GNB1L: variants seen among roughly 807,000 people sequenced by gnomAD.
GNB1L encodes the protein G protein subunit beta 1 like, also known as guanine nucleotide-binding protein subunit beta-like protein 1.
GNB1L carries 20 observed loss-of-function variants against 29.1 expected under a neutral mutation model. The ratio of observed to expected loss-of-function variants is 0.69; its 90% CI spans 0.48 to 1.00. GNB1L has a LOEUF of 1.00. GNB1L is among the 50% of genes least tolerant of loss of function. The probability of loss-of-function intolerance (pLI) is 0.00; values close to 1 mark genes in which losing one functional copy is unlikely to be tolerated. For synonymous variants in GNB1L, 193 were observed against 206.5 expected (o/e 0.93, Z 0.56); for missense variants, 421 against 464.9 (o/e 0.91, Z 0.87).
chr22:19,823,517 C>A (rs1487678007), intron 2 of GNB1L, among the ~76,000 whole-genome samples: 1 of 152,170 alleles, frequency 6.6e-6, no homozygotes, highest in Non-Finnish European at 1.5e-5. Flanking sequence ...AAGGCAGGGC[C>A]CAGCTCCAAG....
intron 5 of GNB1L, among the ~76,000 whole-genome samples, chr22:19,810,019 T>C (rs1238995627): frequency 6.6e-6 from 1 of 152,242 alleles, no homozygotes; most frequent in Non-Finnish European, 1.5e-5. Context: ...TTTGGCCTCC[T>C]GAGTAGCTGG....
At position 19,800,001 on chromosome 22, in the gene GNB1L, G is replaced by A. The variant is rs193164027; in HGVS notation, c.732+2000C>T. Among the ~76,000 whole-genome samples, 570 of 152,356 alleles carry A rather than the reference G, an allele frequency of 3.7e-3. 1 individual carries two copies. The highest frequency in any genetic ancestry group is 0.013 in the African/African-American group (547 of 41,578). ...CCTGGCCCATGCAACACAGGGCTCA[G>A]CAGGGGAAACGCCTCTCCTTCGATG... On this transcript the variant is annotated intron_variant, in intron 7 of 7. Transcript: ENST00000329517.
At chr22:19,799,428 C>T (rs1937342705) in intron 7 of GNB1L, among the ~76,000 whole-genome samples, 1 of 152,268 alleles carries the variant, frequency 6.6e-6, no homozygotes, top group African/African-American at 2.4e-5. Flanking sequence ...CTCGTCACCA[C>T]CGCGGCCCCT....
At position 19,783,226 on chromosome 22, in the gene GNB1L, G is replaced by C. The variant is rs1026713442; in HGVS notation, c.*5483C>G. On this transcript the variant is annotated 3_prime_UTR_variant, in exon 8 of 8. Transcript: ENST00000329517. ...CCCAGAATGGCTGTTATGCTGCTCT[G>C]TTTGAGGTGGTTTATTAATGTAGCA... The C allele has an allele frequency of 3.4e-6, 2 of 589,628 alleles. No individual in the cohort carries two copies. Among genetic ancestry groups the C allele is most frequent in the African/African-American group, 3.7e-5 (2 of 53,886 alleles). The allele number at this position is 589,628 out of a possible 1,614,324, so 36.5% of individuals were successfully genotyped here. A position where few individuals can be genotyped will look rare whatever the true frequency, so the allele number is the denominator to read the frequency against.
chr22:19,838,266 T>C (rs1176209035), intron 2 of GNB1L, among the ~76,000 whole-genome samples: 7 of 152,096 alleles, frequency 4.6e-5, no homozygotes, highest in Admixed American at 6.5e-5. Flanking sequence ...ATCATAGCCA[T>C]TAGGGAAATG....
intron 2 of GNB1L, among the ~76,000 whole-genome samples, chr22:19,838,349 A>C (rs1331414635): frequency 6.6e-6 from 1 of 152,210 alleles, no homozygotes; most frequent in Non-Finnish European, 1.5e-5. Flanking sequence ...AACTGTCAAA[A>C]CCAACAAAAC....
chr22:19,854,426 AC>A lies in GNB1L; in HGVS notation c.-21+16del, dbSNP rs1322776832. On this transcript the variant is annotated intron_variant, in intron 2 of 7. Transcript: ENST00000329517. ...ATACGAGCTCACAAGGCCCACGGCA[AC>A]AAGAAGCCCACCCACCTGAGGCTAC... The A allele has an allele frequency of 2.6e-5, 4 of 152,758 alleles. No homozygotes were observed. The highest frequency in any genetic ancestry group is 5.9e-5 in the Non-Finnish European group (4 of 68,124). The allele number at this position is 152,758 out of a possible 1,614,324, so 9.5% of individuals were successfully genotyped here. A position where few individuals can be genotyped will look rare whatever the true frequency, so the allele number is the denominator to read the frequency against.
rs1478686503 is a variant in GNB1L at position 19,816,114 on chromosome 22, G to A, written c.255-3667C>T. Among the ~76,000 whole-genome samples, 5 of 152,044 alleles carry A rather than the reference G, an allele frequency of 3.3e-5. No individual in the cohort carries two copies. The highest frequency in any genetic ancestry group is 4.1e-4 in the South Asian group (2 of 4,826). Reference sequence around the variant, plus strand: ...CCTGTGTGGGGCCTCGCGGGGCCCCGGCTGCCTCTGCCCCCTGCATGGCCC... The same window carrying A: ...CCTGTGTGGGGCCTCGCGGGGCCCCAGCTGCCTCTGCCCCCTGCATGGCCC... On this transcript the variant is annotated intron_variant, in intron 4 of 7. Coordinates refer to ENST00000329517, the MANE Select transcript of GNB1L (RefSeq NM_053004.3). This position sits in a 1 kb window ranked among gnomAD's most constrained non-coding sequence, Gnocchi z 4.4.
chr22:19,839,893 C>CAAT (rs202133155), intron 2 of GNB1L, among the ~76,000 whole-genome samples: 4,013 of 148,786 alleles, frequency 0.027, 58 homozygotes, highest in East Asian at 0.038. Context: ...ATAATAATAA[C>CAAT]AATAATAATA....
chr22:19,821,057 C>A (rs1458586531), intron 3 of GNB1L, among the ~76,000 whole-genome samples, 171 bp downstream of exon 3: 1 of 152,206 alleles, frequency 6.6e-6, no homozygotes, highest in East Asian at 1.9e-4. Flanking sequence ...GTCCCTGCCT[C>A]CCCCAAGGGA....
chr22:19,793,496 G>A (rs1031240032), intron 7 of GNB1L, among the ~76,000 whole-genome samples: 1 of 152,116 alleles, frequency 6.6e-6, no homozygotes, highest in Non-Finnish European at 1.5e-5. Flanking sequence ...GGAGGAGAAA[G>A]TGAAAATGGT....
At chr22:19,804,140 C>A (rs191458043) in intron 6 of GNB1L, among the ~76,000 whole-genome samples, 3 of 152,400 alleles carry the variant, frequency 2.0e-5, no homozygotes, top group Admixed American at 6.5e-5. Flanking sequence ...CCCCTAGTGA[C>A]AGATACCACA....
chr22:19,820,758 C>A (rs1171858143), intron 3 of GNB1L, 35 bp from the exon 4 acceptor site: 1 of 1,592,842 alleles, frequency 6.3e-7, no homozygotes, highest in East Asian at 2.3e-5. Flanking sequence ...TGTCAGGGGG[C>A]AGAAGGGTGT....
Position 19,847,502 on chromosome 22 carries a change from G to GA in GNB1L, c.-21+6940dup, listed in dbSNP as rs370107657. 45 of 985,382 alleles carry GA rather than the reference G, an allele frequency of 4.6e-5. No homozygotes were observed. The African/African-American group carries it at 7.9e-4, about 17-fold the overall frequency. 61.0% of individuals were successfully genotyped at this position (985,382 alleles called of 1,614,324 possible). On this transcript the variant is annotated intron_variant, in intron 2 of 7. Transcript: ENST00000329517. ...TCAACCCTTCTAACCACCCCATGAG[G>GA]AAAAACTCTGGTCACAGCTCAAAAA...
At chr22:19,853,985 C>T (rs1938174164) in intron 2 of GNB1L, among the ~76,000 whole-genome samples, 1 of 152,208 alleles carries the variant, frequency 6.6e-6, no homozygotes. Flanking sequence ...CCCTACCCTG[C>T]CCACTCACCT....
In GNB1L at chr22:19,786,397, G is replaced by C. The variant is rs1256590304; in HGVS notation, c.*2312C>G. ...GCACGAGGGCCAGGGGCCAACTCAG[G>C]GTCTGTACACCCTGCCCACAGCTCT... On this transcript the variant is annotated 3_prime_UTR_variant, in exon 8 of 8. Coordinates refer to ENST00000329517, the MANE Select transcript of GNB1L (RefSeq NM_053004.3). 1 of 152,138 alleles carries C rather than the reference G, an allele frequency of 6.6e-6. No homozygotes were observed. Among genetic ancestry groups the C allele is most frequent in the Non-Finnish European group, 1.5e-5 (1 of 68,048 alleles). The allele number at this position is 152,138 out of a possible 1,614,324, so 9.4% of individuals were successfully genotyped here.
chr22:19,831,602 A>G (rs1320185194), intron 2 of GNB1L, among the ~76,000 whole-genome samples: 4 of 151,424 alleles, frequency 2.6e-5, no homozygotes, highest in Admixed American at 2.0e-4. Flanking sequence ...GAGGTAGGAG[A>G]ATGGCGTGAA....
chr22:19,795,796 A>G (rs1337561709), intron 7 of GNB1L, among the ~76,000 whole-genome samples: 3 of 152,154 alleles, frequency 2.0e-5, no homozygotes, highest in African/African-American at 7.2e-5. Context: ...CAGGACCTAG[A>G]CCCATGGCCC....
intron 2 of GNB1L, chr22:19,852,301 G>C: frequency 2.6e-6 from 4 of 1,565,322 alleles, no homozygotes; most frequent in Non-Finnish European, 3.5e-6. Context: ...GCCAGCACTG[G>C]TGGGTGGTGG....
Sources: gnomAD v4.1 joint callset for allele counts (sites outside exome capture counted in the v4.1 genomes callset) on GRCh38, gnomAD v4.1.1 for gene constraint, Gnocchi (gnomAD v3.1) non-coding constraint, MANE v1.5 for transcripts, NCBI Gene and HGNC (gene_info 2026-07-23, HGNC 2026-07-21) for gene names.